The following ADNP2 variants were observed in gnomAD, a reference collection of about 807,000 sequenced individuals.
ADNP2 encodes activity-dependent neuroprotector homeobox protein 2.
ADNP2 carries 8 observed loss-of-function variants against 16.4 expected under a neutral mutation model. That is an observed-to-expected ratio of 0.49 (90% confidence interval 0.29 to 0.88). ADNP2 has a LOEUF of 0.88. ADNP2 is among the 40% of genes least tolerant of loss of function. The pLI is 0.09. For missense variants in ADNP2, 1,397 were observed against 1,395.1 expected, an observed-to-expected ratio of 1.00 and a Z score of -0.02; for synonymous variants, 637 against 545.8, an observed-to-expected ratio of 1.17 and a Z score of -2.33.
intron 2 of ADNP2, among the ~76,000 whole-genome samples, chr18:80,126,937 G>A (rs1007111228): frequency 6.6e-6 from 1 of 152,092 alleles, no homozygotes; most frequent in Non-Finnish European, 1.5e-5. Flanking sequence ...AAGTTCCATG[G>A]CATTCTGAGT....
chr18:80,129,105 G>GTTTTTTTT (rs753934297), intron 2 of ADNP2, among the ~76,000 whole-genome samples: 4 of 81,444 alleles, frequency 4.9e-5, no homozygotes, highest in Admixed American at 1.7e-4. Context: ...CTTTTTTTTT[G>GTTTTTTTT]TTTTTTTTTT....
Position 80,135,594 on chromosome 18 carries a change from T to C in ADNP2, c.199-18T>C. On this transcript the variant is annotated intron_variant, in intron 3 of 3. Transcript: ENST00000262198. Reference sequence around the variant, plus strand: ...CAGTTTATTCAATTATGCTTAAGGCTTTCTTTTCTTTTAACAGAGATATCG... The same window carrying C: ...CAGTTTATTCAATTATGCTTAAGGCCTTCTTTTCTTTTAACAGAGATATCG... The C allele has an allele frequency of 6.3e-7, 1 of 1,597,208 alleles. No homozygotes were observed.
chr18:80,131,437 CTTTG>C (rs751211795), intron 2 of ADNP2, among the ~76,000 whole-genome samples: 2 of 152,216 alleles, frequency 1.3e-5, no homozygotes, highest in South Asian at 2.1e-4. Flanking sequence ...CGTTCTAGAT[CTTTG>C]TTTAACTGCT....
Sources: gnomAD v4.1 joint callset for allele counts (sites outside exome capture counted in the v4.1 genomes callset) on GRCh38, gnomAD v4.1.1 for gene constraint, MANE v1.5 for transcripts, NCBI Gene and HGNC (gene_info 2026-07-23, HGNC 2026-07-21) for gene names.